The following SLCO3A1 variants were observed in gnomAD, a reference collection of about 807,000 sequenced individuals.
SLCO3A1 encodes the protein solute carrier organic anion transporter family member 3A1.
In SLCO3A1, 27 loss-of-function variants were observed where a neutral mutation model predicts 63.1. The observed-to-expected ratio is 0.43, with a 90% confidence interval of 0.32 to 0.59. The LOEUF is 0.59. Ranked by LOEUF, SLCO3A1 falls within the 20% of genes least tolerant of loss-of-function variation. The pLI is 0.09. For synonymous variants in SLCO3A1, 473 were observed against 409.9 expected (o/e 1.15, Z -1.86); for missense variants, 773 against 945.8 (o/e 0.82, Z 2.40).
Position 91,860,865 on chromosome 15 carries a change from C to CT in SLCO3A1, c.180+6786dup, listed in dbSNP as rs548944596. ...CTGTGGGCATTTCCCCACGCTTGGTCTTTTTTTTTGGTTTCTCATAAGCAG... is the reference window on the plus strand; with the variant it reads ...CTGTGGGCATTTCCCCACGCTTGGTCTTTTTTTTTTGGTTTCTCATAAGCAG... On this transcript the variant is annotated intron_variant, in intron 1 of 9. Coordinates refer to ENST00000318445, the MANE Select transcript of SLCO3A1 (RefSeq NM_013272.4). This position sits in a 1 kb window ranked among gnomAD's most constrained non-coding sequence, Gnocchi z 5.5. 4.6e-5 allele frequency among the ~76,000 whole-genome samples: 7 copies of CT among 151,480 alleles called. No individual in the cohort carries two copies. Among genetic ancestry groups the CT allele is most frequent in the South Asian group, 4.2e-4 (2 of 4,792 alleles).
At chr15:92,100,191 A>G (rs1293026723) in intron 3 of SLCO3A1, among the ~76,000 whole-genome samples, 1 of 152,098 alleles carries the variant, frequency 6.6e-6, no homozygotes, top group African/African-American at 2.4e-5. Flanking sequence ...CAGATATTTC[A>G]TGGTACACCC....
At chr15:92,053,684 G>GTTTTTTTTTTTTTTTT (rs1567092399) in intron 2 of SLCO3A1, among the ~76,000 whole-genome samples, 1 of 14,924 alleles carries the variant, frequency 6.7e-5, no homozygotes. Flanking sequence ...TTGTTTTTTT[G>GTTTTTTTTTTTTTTTT]TTTGTTTGTT....
intron 8 of SLCO3A1, chr15:92,149,302 G>A (rs1363899777): frequency 3.9e-5 from 6 of 152,210 alleles, no homozygotes; most frequent in Non-Finnish European, 8.8e-5. Flanking sequence ...CGCTGTGCTG[G>A]AAGCGCATGC....
Position 91,949,584 on chromosome 15 carries a change from C to T in SLCO3A1, c.646+33126C>T, listed in dbSNP as rs539939790. Among the ~76,000 whole-genome samples, 169 of 152,128 alleles carry T rather than the reference C, an allele frequency of 1.1e-3. 1 individual carries two copies. The highest frequency in any genetic ancestry group is 5.7e-4 in the Non-Finnish European group (39 of 67,982). ...GGTGGAGTTTGCAATGAGTTGAGAT[C>T]GTGCCACTGCACTTCAGCCTGGGCG... is the stretch of plus-strand genomic sequence containing the variant. On this transcript the variant is annotated intron_variant, in intron 2 of 9. Coordinates refer to ENST00000318445, the MANE Select transcript of SLCO3A1 (RefSeq NM_013272.4).
rs932780630 is a variant in SLCO3A1, at chr15:91,968,478, G to T, written c.646+52020G>T. ...ATGGAGGTGTCCTGGCTAGAACAGGGCCTCTAATTTATCATGTCTTCTCAC... is the reference window on the plus strand; with the variant it reads ...ATGGAGGTGTCCTGGCTAGAACAGGTCCTCTAATTTATCATGTCTTCTCAC... On this transcript the variant is annotated intron_variant, in intron 2 of 9. Coordinates refer to ENST00000318445, the MANE Select transcript of SLCO3A1 (RefSeq NM_013272.4). This position sits in a 1 kb window ranked among gnomAD's most constrained non-coding sequence, Gnocchi z 4.2. Among the ~76,000 whole-genome samples the T allele has an allele frequency of 1.3e-5, 2 of 152,048 alleles. No individual in the cohort carries two copies. The highest frequency in any genetic ancestry group is 2.9e-5 in the Non-Finnish European group (2 of 68,022).
chr15:92,168,716 G>A (rs942374581), downstream of SLCO3A1, among the ~76,000 whole-genome samples: 1 of 152,220 alleles, frequency 6.6e-6, no homozygotes, highest in Non-Finnish European at 1.5e-5. Context: ...TCCTGACCAT[G>A]AGACTCTTAA....
chr15:92,110,380 A>G (rs541211072), intron 4 of SLCO3A1, among the ~76,000 whole-genome samples: 2 of 152,252 alleles, frequency 1.3e-5, no homozygotes, highest in East Asian at 1.9e-4. Context: ...ACATCTGATC[A>G]AGTTACTGCC....
chr15:91,893,365 C>A (rs1454891185), intron 1 of SLCO3A1, among the ~76,000 whole-genome samples: 1 of 152,126 alleles, frequency 6.6e-6, no homozygotes, highest in African/African-American at 2.4e-5. Flanking sequence ...GGCTTAGAAA[C>A]AACAAACATT....
intron 2 of SLCO3A1, among the ~76,000 whole-genome samples, chr15:91,963,730 G>T (rs980117844): frequency 6.6e-6 from 1 of 152,044 alleles, no homozygotes; most frequent in Middle Eastern, 3.2e-3. Flanking sequence ...TGGGTTCGTG[G>T]TCTCGCTGAC....
intron 1 of SLCO3A1, among the ~76,000 whole-genome samples, chr15:91,914,081 T>G (rs1289490179): frequency 6.6e-6 from 1 of 152,196 alleles, no homozygotes; most frequent in Non-Finnish European, 1.5e-5. Flanking sequence ...TCCCTAGCAT[T>G]TACATGTATG....
chr15:92,110,396 C>T (rs1205231353), intron 4 of SLCO3A1, among the ~76,000 whole-genome samples: 1 of 152,130 alleles, frequency 6.6e-6, no homozygotes, highest in African/African-American at 2.4e-5. Context: ...CTGCCTCTTG[C>T]TTTAAGGTAT....
chr15:91,991,443 A>C (rs777127876), intron 2 of SLCO3A1, among the ~76,000 whole-genome samples: 1 of 152,230 alleles, frequency 6.6e-6, no homozygotes, highest in Non-Finnish European at 1.5e-5. Context: ...TGTGCAGATC[A>C]TACAAACTGT....
chr15:92,016,266 A>ATATAGATAGATAAAT (rs1555424466), intron 2 of SLCO3A1, among the ~76,000 whole-genome samples: 1 of 134,912 alleles, frequency 7.4e-6, no homozygotes, highest in Non-Finnish European at 1.6e-5. Context: ...AGATAGATAG[A>ATATAGATAGATAAAT]TAGATAGATA....
intron 4 of SLCO3A1, among the ~76,000 whole-genome samples, chr15:92,117,346 G>T (rs1388696908): frequency 6.6e-6 from 1 of 152,212 alleles, no homozygotes; most frequent in Non-Finnish European, 1.5e-5. Context: ...TTGTGACCAA[G>T]CGTGGCTGTG....
chr15:92,079,737 G>A (rs1281644322), intron 2 of SLCO3A1, among the ~76,000 whole-genome samples: 1 of 152,264 alleles, frequency 6.6e-6, no homozygotes, highest in Non-Finnish European at 1.5e-5. Flanking sequence ...TGGAGCTGCT[G>A]AGGCTTTGAG....
chr15:92,093,458 C>A (rs1445938654), intron 2 of SLCO3A1, among the ~76,000 whole-genome samples: 2 of 152,180 alleles, frequency 1.3e-5, no homozygotes, highest in African/African-American at 4.8e-5. Flanking sequence ...TAATACCTCC[C>A]ACTAGGCCCC....
rs138510813 is a variant in SLCO3A1 at position 91,930,179 on chromosome 15, G to A, written c.646+13721G>A. Among the ~76,000 whole-genome samples, 8 of 152,170 alleles carry A rather than the reference G, an allele frequency of 5.3e-5. No individual in the cohort carries two copies. In the East Asian group the frequency reaches 1.5e-3, roughly 29 times the overall value. ...CATTTAAAAGCTCCAGCCTCTCATG[G>A]ATCAGGGTTCCTGCACCTCTCTGAT... On this transcript the variant is annotated intron_variant, in intron 2 of 9. Coordinates refer to ENST00000318445, the MANE Select transcript of SLCO3A1 (RefSeq NM_013272.4).
intron 2 of SLCO3A1, among the ~76,000 whole-genome samples, chr15:91,983,588 CT>C (rs1442497221): frequency 6.6e-6 from 1 of 152,190 alleles, no homozygotes; most frequent in Non-Finnish European, 1.5e-5. Context: ...GCTCAGCTCA[CT>C]TTTACAAGTA....
chr15:92,049,326 G>A (rs1028320414), intron 2 of SLCO3A1, among the ~76,000 whole-genome samples: 13 of 152,146 alleles, frequency 8.5e-5, no homozygotes, highest in African/African-American at 3.1e-4. Flanking sequence ...AAAAAACTAT[G>A]TGATTGGCTC....
Sources: gnomAD v4.1 joint callset for allele counts (sites outside exome capture counted in the v4.1 genomes callset) on GRCh38, gnomAD v4.1.1 for gene constraint, Gnocchi (gnomAD v3.1) non-coding constraint, MANE v1.5 for transcripts, NCBI Gene and HGNC (gene_info 2026-07-23, HGNC 2026-07-21) for gene names.